OR2C3: variants seen among roughly 807,000 people sequenced by gnomAD.
OR2C3 encodes the protein olfactory receptor family 2 subfamily C member 3, also known as olfactory receptor 2C3.
For missense variants in OR2C3, 425 were observed against 401.5 expected (o/e 1.06, Z -0.50); for synonymous variants, 178 against 163.4 (o/e 1.09, Z -0.68).
At position 247,527,008 on chromosome 1, in the gene OR2C3, G is replaced by T. The variant is rs1432057665; in HGVS notation, c.*4541C>A. Reference sequence around the variant, plus strand: ...TCTACTGGATGTGGAGCCAGAAATTGTGTGGAATGCCTGGTGTTTCTTTCA... The same window carrying T: ...TCTACTGGATGTGGAGCCAGAAATTTTGTGGAATGCCTGGTGTTTCTTTCA... On this transcript the variant is annotated 3_prime_UTR_variant, in exon 3 of 3. Coordinates refer to ENST00000641802, the MANE Select transcript of OR2C3 (RefSeq NM_198074.6). The surrounding 1 kb of genome is among the most constrained non-coding windows in gnomAD (Gnocchi z 4.6). 1.8e-5 allele frequency: 8 copies of T among 456,622 alleles called. No individual in the cohort carries two copies. The highest frequency in any genetic ancestry group is 3.5e-5 in the Non-Finnish European group (8 of 226,980). The allele number at this position is 456,622 out of a possible 1,614,324, so 28.3% of individuals were successfully genotyped here. A position where few individuals can be genotyped will look rare whatever the true frequency, so the allele number is the denominator to read the frequency against.
Position 247,531,872 on chromosome 1 carries a change from G to T in OR2C3, c.640C>A (p.Leu214Ile). ...SFVFVVLPLG[L>I]ILVSYGHIAR... is the part of the protein sequence containing the mutation. ...ATGTGGCCGTAAGAGACCAGGATGA[G>T]CCCCAGAGGCAGGACAACAAAGACA... Residue 214 changes from leucine to isoleucine, a missense_variant, in exon 3 of 3, where the codon CTC becomes ATC. Leu to Ile is a conservative substitution (Grantham distance 5, BLOSUM62 2). Transcript: ENST00000641802. 1 of 1,614,212 alleles carries T rather than the reference G, an allele frequency of 6.2e-7. No homozygotes were observed. Among genetic ancestry groups the T allele is most frequent in the Non-Finnish European group, 8.5e-7 (1 of 1,180,034 alleles).
rs932098135 is a variant in OR2C3, at chr1:247,527,236, T to C, written c.*4313A>G. ...TCTGTGCCAAACAGGGGCTGATGGA[T>C]GGTCAGGGCAAAGCACAGTGCTGTC... is the stretch of plus-strand genomic sequence containing the variant. On this transcript the variant is annotated 3_prime_UTR_variant, in exon 3 of 3. Coordinates refer to ENST00000641802, the MANE Select transcript of OR2C3 (RefSeq NM_198074.6). The surrounding 1 kb of genome is among the most constrained non-coding windows in gnomAD (Gnocchi z 4.6). The C allele has an allele frequency of 2.6e-6, 1 of 378,686 alleles. No homozygotes were observed. Among genetic ancestry groups the C allele is most frequent in the Non-Finnish European group, 5.2e-6 (1 of 192,014 alleles). 23.5% of individuals were successfully genotyped at this position (378,686 alleles called of 1,614,324 possible). A position where few individuals can be genotyped will look rare whatever the true frequency, so the allele number is the denominator to read the frequency against.
chr1:247,531,719 T>C lies in OR2C3; in HGVS notation c.793A>G (p.Lys265Glu). The C allele has an allele frequency of 6.2e-7, 1 of 1,614,180 alleles. No homozygotes were observed. Among genetic ancestry groups the C allele is most frequent in the Non-Finnish European group, 8.5e-7 (1 of 1,180,022 alleles). Residue 265 changes from lysine (K) to glutamate (E), a missense_variant, in exon 3 of 3, where the codon AAG (lysine) becomes GAG (glutamate). Physicochemically the swap from Lys to Glu is moderately conservative, Grantham distance 56. Coordinates refer to ENST00000641802, the MANE Select transcript of OR2C3 (RefSeq NM_198074.6). ...SIIFMYLQPAKSTSHEQGKFI... is the reference protein window; with the variant it reads ...SIIFMYLQPAESTSHEQGKFI... ...TTGCCCTGCTCATGGGAGGTGCTCT[T>C]GGCTGGCTGGAGATACATGAAGATG... is the stretch of plus-strand genomic sequence containing the variant.
Position 247,530,767 on chromosome 1 carries a change from T to G in OR2C3, c.*782A>C, listed in dbSNP as rs377599182. ...CAGGACTAGGTAGGTCTCGCCCAAC[T>G]GCGACAGAGCGGTCGCCCAGGACGT... On this transcript the variant is annotated 3_prime_UTR_variant, in exon 3 of 3. Transcript: ENST00000641802. The G allele has an allele frequency of 8.5e-3, 435 of 51,232 alleles. 3 individuals are homozygous for G. Among genetic ancestry groups the G allele is most frequent in the African/African-American group, 0.025 (419 of 16,512 alleles). The allele number at this position is 51,232 out of a possible 1,614,324, so 3.2% of individuals were successfully genotyped here.
At position 247,531,750 on chromosome 1, in the gene OR2C3, C is replaced by T; in HGVS notation, c.762G>A (p.Gly254=). 1.2e-6 allele frequency: 2 copies of T among 1,614,160 alleles called. No individual in the cohort carries two copies. The highest frequency in any genetic ancestry group is 2.2e-5 in the South Asian group (2 of 91,078). The part of the protein sequence containing the change: ...SHVAVVSLFY[G]SIIFMYLQPA... ...GCTGGAGATACATGAAGATGATGCT[C>T]CCGTAAAACAGAGACACCACAGCCA... Residue 254 remains glycine (G), a synonymous_variant, in exon 3 of 3, where the codon GGG becomes GGA. Coordinates refer to ENST00000641802, the MANE Select transcript of OR2C3 (RefSeq NM_198074.6).
At position 247,526,458 on chromosome 1, in the gene OR2C3, G is replaced by A. The variant is rs1207134518; in HGVS notation, c.*5091C>T. On this transcript the variant is annotated 3_prime_UTR_variant, in exon 3 of 3. Transcript: ENST00000641802. This position sits in a 1 kb window ranked among gnomAD's most constrained non-coding sequence, Gnocchi z 4.8. ...GCAGGAAAGGGCAAGGACAAAGAGG[G>A]TTTGGCCATGACCAAGGGTGACTGG... 1 of 156,514 alleles carries A rather than the reference G, an allele frequency of 6.4e-6. No individual in the cohort carries two copies. Among genetic ancestry groups the A allele is most frequent in the African/African-American group, 2.4e-5 (1 of 41,468 alleles). The allele number at this position is 156,514 out of a possible 1,614,324, so 9.7% of individuals were successfully genotyped here.
At chr1:247,535,454 G>A (rs1353230331) in intron 1 of OR2C3, among the ~76,000 whole-genome samples, 1 of 152,244 alleles carries the variant, frequency 6.6e-6, no homozygotes, top group Non-Finnish European at 1.5e-5. Context: ...GACAGTCAAA[G>A]TGGGTGTACT....
rs1227969114 is a variant in OR2C3 at position 247,527,709 on chromosome 1, C to G, written c.*3840G>C. 4 of 152,060 alleles carry G rather than the reference C, an allele frequency of 2.6e-5. No individual in the cohort carries two copies. Among genetic ancestry groups the G allele is most frequent in the African/African-American group, 9.7e-5 (4 of 41,396 alleles). 9.4% of individuals were successfully genotyped at this position (152,060 alleles called of 1,614,324 possible). On this transcript the variant is annotated 3_prime_UTR_variant, in exon 3 of 3. Coordinates refer to ENST00000641802, the MANE Select transcript of OR2C3 (RefSeq NM_198074.6). The surrounding 1 kb of genome is among the most constrained non-coding windows in gnomAD (Gnocchi z 4.6). ...GATCAGATAAGTGTGATTAGAATAT[C>G]CATCATCTCAAACATTTATCGTTTC...
chr1:247,526,843 G>A lies in OR2C3; in HGVS notation c.*4706C>T, dbSNP rs1163657565. The A allele has an allele frequency of 5.0e-6, 2 of 396,214 alleles. No individual in the cohort carries two copies. The highest frequency in any genetic ancestry group is 5.9e-5 in the Admixed American group (2 of 34,038). The allele number at this position is 396,214 out of a possible 1,614,324, so 24.5% of individuals were successfully genotyped here. ...TCGAAAGACAAGTGGTGTCCAATAT[G>A]GCATGTTAGCATTTTCCTCTTCATT... On this transcript the variant is annotated 3_prime_UTR_variant, in exon 3 of 3. Transcript: ENST00000641802. The surrounding 1 kb of genome is among the most constrained non-coding windows in gnomAD (Gnocchi z 4.8).
In OR2C3 at chr1:247,526,645, C is replaced by T; in HGVS notation, c.*4904G>A. On this transcript the variant is annotated 3_prime_UTR_variant, in exon 3 of 3. Transcript: ENST00000641802. This position sits in a 1 kb window ranked among gnomAD's most constrained non-coding sequence, Gnocchi z 4.8. ...GGTGATGCATGACCCTCACAGTGTG[C>T]AGCATGGGAGGAAACCCATACATGA... is the stretch of plus-strand genomic sequence containing the variant. 3.2e-6 allele frequency: 1 copy of T among 308,508 alleles called. No homozygotes were observed. The highest frequency in any genetic ancestry group is 6.3e-6 in the Non-Finnish European group (1 of 159,078). The allele number at this position is 308,508 out of a possible 1,614,324, so 19.1% of individuals were successfully genotyped here. A position where few individuals can be genotyped will look rare whatever the true frequency, so the allele number is the denominator to read the frequency against.
Position 247,536,416 on chromosome 1 carries a change from T to C in OR2C3, c.-650A>G, listed in dbSNP as rs1667220733. 6.6e-6 allele frequency: 1 copy of C among 152,192 alleles called. No homozygotes were observed. The highest frequency in any genetic ancestry group is 2.4e-5 in the African/African-American group (1 of 41,446). 9.4% of individuals were successfully genotyped at this position (152,192 alleles called of 1,614,324 possible). A position where few individuals can be genotyped will look rare whatever the true frequency, so the allele number is the denominator to read the frequency against. ...ACATTATTAAGTATTTAAATCACAA[T>C]GGGATTGAACTAGCAGAAAGCACTT... On this transcript the variant is annotated 5_prime_UTR_variant, in exon 1 of 3. Transcript: ENST00000641802.
Position 247,531,737 on chromosome 1 carries a change from T to G in OR2C3, c.775A>C (p.Met259Leu), listed in dbSNP as rs1666970701. The change falls in exon 3 of 3, where the codon ATG becomes CTG. Residue 259 changes from methionine (M) to leucine (L), a missense_variant. Physicochemically the swap from Met to Leu is conservative, Grantham distance 15. Coordinates refer to ENST00000641802, the MANE Select transcript of OR2C3 (RefSeq NM_198074.6). ...VSLFYGSIIF[M>L]YLQPAKSTSH... ...GTGCTCTTGGCTGGCTGGAGATACA[T>G]GAAGATGATGCTCCCGTAAAACAGA... 2 of 1,614,042 alleles carry G rather than the reference T, an allele frequency of 1.2e-6. No individual in the cohort carries two copies. Among genetic ancestry groups the G allele is most frequent in the Non-Finnish European group, 1.7e-6 (2 of 1,180,040 alleles).
chr1:247,532,745 G>A (rs10802521), intron 2 of OR2C3: 415,553 of 527,878 alleles, frequency 0.79, 164,253 homozygotes, highest in Admixed American at 0.84. Context: ...ATACAGGCAC[G>A]TACTACCATG....
In OR2C3 at chr1:247,524,724, C is replaced by G. The variant is rs148830883; in HGVS notation, c.*6825G>C. On this transcript the variant is annotated 3_prime_UTR_variant, in exon 3 of 3. Coordinates refer to ENST00000641802, the MANE Select transcript of OR2C3 (RefSeq NM_198074.6). ...TATTTAATACATATAACATTTAAAA[C>G]TTTTGTACCACAAAGGAAACAAACA... The G allele has an allele frequency of 1.8e-3, 273 of 151,534 alleles. No homozygotes were observed. Among genetic ancestry groups the G allele is most frequent in the African/African-American group, 6.2e-3 (255 of 40,878 alleles). 9.4% of individuals were successfully genotyped at this position (151,534 alleles called of 1,614,324 possible). A position where few individuals can be genotyped will look rare whatever the true frequency, so the allele number is the denominator to read the frequency against.
In OR2C3 at chr1:247,533,794, G is replaced by A. The variant is rs1157566627; in HGVS notation, c.-317C>T. On this transcript the variant is annotated 5_prime_UTR_variant, in exon 2 of 3. Coordinates refer to ENST00000641802, the MANE Select transcript of OR2C3 (RefSeq NM_198074.6). ...TGTAAAACTATGATCAAATAAATGT[G>A]TATGTCTTTTCTCCTATGAATCTGC... 1.3e-5 allele frequency: 2 copies of A among 152,180 alleles called. No homozygotes were observed. The highest frequency in any genetic ancestry group is 2.9e-5 in the Non-Finnish European group (2 of 68,036). 9.4% of individuals were successfully genotyped at this position (152,180 alleles called of 1,614,324 possible).
intron 1 of OR2C3, among the ~76,000 whole-genome samples, chr1:247,535,549 A>G (rs1371603551): frequency 6.6e-6 from 1 of 152,230 alleles, no homozygotes; most frequent in Non-Finnish European, 1.5e-5. Flanking sequence ...AGTATATCCC[A>G]TCTGTGGAAA....
In OR2C3 at chr1:247,532,354, T is replaced by C. The variant is rs757067976; in HGVS notation, c.158A>G (p.Asp53Gly). 13 of 1,613,960 alleles carry C rather than the reference T, an allele frequency of 8.1e-6. No homozygotes were observed. The East Asian group carries it at 1.1e-4, about 14-fold the overall frequency. ...NGIIILVSHT[D>G]VHLHTPMYFF... Reference sequence around the variant, plus strand: ...GTACATAGGTGTGTGGAGGTGCACATCTGTATGGGAGACCAGAATGATGAT... The same window carrying C: ...GTACATAGGTGTGTGGAGGTGCACACCTGTATGGGAGACCAGAATGATGAT... The change falls in exon 3 of 3, where the codon GAT becomes GGT. Residue 53 changes from aspartate to glycine, a missense_variant. Transcript: ENST00000641802.
chr1:247,534,804 T>G (rs1419158196), intron 1 of OR2C3, among the ~76,000 whole-genome samples: 11 of 152,190 alleles, frequency 7.2e-5, no homozygotes, highest in Non-Finnish European at 4.4e-5. Context: ...GCATTCAGTT[T>G]TAAAAATACA....
rs1666764410 is a variant in OR2C3, at chr1:247,528,282, T to G, written c.*3267A>C. The G allele has an allele frequency of 6.6e-6, 1 of 152,054 alleles. No individual in the cohort carries two copies. Among genetic ancestry groups the G allele is most frequent in the African/African-American group, 2.4e-5 (1 of 41,388 alleles). 9.4% of individuals were successfully genotyped at this position (152,054 alleles called of 1,614,324 possible). ...CACAAATAACAATTGTACACACTTA[T>G]GGGGTGCAGTATGATGTTTTGATAC... is the stretch of plus-strand genomic sequence containing the variant. On this transcript the variant is annotated 3_prime_UTR_variant, in exon 3 of 3. Transcript: ENST00000641802.
Sources: gnomAD v4.1 joint callset for allele counts (sites outside exome capture counted in the v4.1 genomes callset) on GRCh38, gnomAD v4.1.1 for gene constraint, Gnocchi (gnomAD v3.1) non-coding constraint, MANE v1.5 for transcripts, NCBI Gene and HGNC (gene_info 2026-07-23, HGNC 2026-07-21) for gene names.